The following DSC3 variants were observed in gnomAD, a reference collection of about 807,000 sequenced individuals.
DSC3 encodes the protein desmocollin 3.
Under a neutral mutation model 89.5 loss-of-function variants are expected in DSC3, and 97 were observed. That is an observed-to-expected ratio of 1.08 (90% CI 0.92 to 1.28). DSC3 has a LOEUF of 1.28. Among genes scored for constraint, DSC3 ranks in the 50% most tolerant of loss-of-function variants. The pLI, the probability that DSC3 is intolerant of heterozygous loss-of-function variation, is 0.00. For synonymous variants in DSC3, 436 were observed against 384.1 expected, an observed-to-expected ratio of 1.14 and a Z score of -1.58; for missense variants, 1,199 against 1,085.3, an observed-to-expected ratio of 1.10 and a Z score of -1.47.
At chr18:31,025,978 A>G in intron 4 of DSC3, 63 bp from the exon 5 acceptor site, 1 of 1,368,396 alleles carries the variant, frequency 7.3e-7, no homozygotes, top group African/African-American at 1.5e-5. Flanking sequence ...TATTTTTTAA[A>G]TGCAGCTGAT....
intron 12 of DSC3, among the ~76,000 whole-genome samples, chr18:31,006,620 C>T (rs1341609758): frequency 6.6e-6 from 1 of 152,110 alleles, no homozygotes; most frequent in East Asian, 1.9e-4. Context: ...TTTTTAAAAA[C>T]ATGCACACAC....
chr18:31,016,852 T>C (rs565760973), intron 9 of DSC3, among the ~76,000 whole-genome samples: 50 of 152,302 alleles, frequency 3.3e-4, no homozygotes, highest in African/African-American at 1.1e-3. Flanking sequence ...ACACCAAAGA[T>C]GACTAGCTCA....
At chr18:31,023,469 A>G (rs533098183) in intron 6 of DSC3, among the ~76,000 whole-genome samples, 5 of 152,192 alleles carry the variant, frequency 3.3e-5, no homozygotes, top group African/African-American at 1.2e-4. Flanking sequence ...AAAAAGAAAC[A>G]AAACTAGGTT....
chr18:31,004,706 T>C (rs1257521002), intron 12 of DSC3, among the ~76,000 whole-genome samples: 1 of 146,618 alleles, frequency 6.8e-6, no homozygotes, highest in Non-Finnish European at 1.5e-5. Flanking sequence ...TATCTACAGG[T>C]ACACACAAAT....
At chr18:31,012,184 T>C (rs554775512) in intron 9 of DSC3, among the ~76,000 whole-genome samples, 168 of 152,190 alleles carry the variant, frequency 1.1e-3, no homozygotes, top group African/African-American at 4.0e-3. Context: ...GTTAGCAGAC[T>C]ATGAATGACT....
chr18:31,027,464 TTTCCTTCCTTCCTTCC>T (rs60932501), intron 4 of DSC3, among the ~76,000 whole-genome samples: 1 of 147,556 alleles, frequency 6.8e-6, no homozygotes, highest in Admixed American at 6.8e-5. Flanking sequence ...GATGCATTGG[TTTCCTTCCTTCCTTCC>T]TTCCTTCCTT....
chr18:31,036,357 T>C (rs1173661518), intron 1 of DSC3, among the ~76,000 whole-genome samples: 1 of 152,220 alleles, frequency 6.6e-6, no homozygotes, highest in Non-Finnish European at 1.5e-5. Context: ...GTAAATCATC[T>C]ATTCTTCCTC....
intron 5 of DSC3, among the ~76,000 whole-genome samples, chr18:31,025,256 T>C (rs544388248): frequency 5.5e-4 from 83 of 152,286 alleles, no homozygotes; most frequent in Middle Eastern, 6.8e-3. Flanking sequence ...AGCTCATCTA[T>C]ATCAGAATAC....
rs141615987 is a variant in DSC3 at position 31,001,089 on chromosome 18, G to GTGTATATATATATATATATATATATATA, written c.2235+528_2235+529insTATATATATATATATATATATATATACA. ...GTGTTTATATATACTTTGTGTGTGT[G>GTGTATATATATATATATATATATATATA]TATATATATATATATATATATATAC... On this transcript the variant is annotated intron_variant, in intron 14 of 15. Transcript: ENST00000360428. Among the ~76,000 whole-genome samples, 60 of 125,992 alleles carry GTGTATATATATATATATATATATATATA rather than the reference G, an allele frequency of 4.8e-4. 1 individual carries two copies. Among genetic ancestry groups the GTGTATATATATATATATATATATATATA allele is most frequent in the East Asian group, 2.4e-3 (8 of 3,316 alleles). The allele number at this position is 125,992 out of a possible 152,430, so 82.7% of individuals were successfully genotyped here.
At chr18:31,014,370 A>T (rs939763975) in intron 9 of DSC3, among the ~76,000 whole-genome samples, 2 of 152,146 alleles carry the variant, frequency 1.3e-5, no homozygotes, top group African/African-American at 2.4e-5. Flanking sequence ...TGAATAATAC[A>T]CAGGAAACAG....
intron 14 of DSC3, 40 bp downstream of exon 14, chr18:31,001,578 A>C (rs201802811): frequency 6.3e-7 from 1 of 1,599,848 alleles, no homozygotes; most frequent in East Asian, 2.2e-5. Flanking sequence ...GAATTAAATT[A>C]TCGGAGATAC....
Position 31,032,267 on chromosome 18 carries a change from G to A in DSC3, c.79C>T (p.Arg27Cys), listed in dbSNP as rs114988341. Residue 27 changes from arginine (R) to cysteine (C), a missense_variant, in exon 2 of 16, where the codon CGT becomes TGT. Physicochemically the swap from Arg to Cys is radical, Grantham distance 180 (BLOSUM62 -3). Transcript: ENST00000360428. ...ACCTTTTTGCAGGCTTCACCAGCAC[G>A]ACTGAAGATCTAGAATTTAAAAGGT... is the stretch of plus-strand genomic sequence containing the variant. The part of the protein sequence containing the change: ...HLLLTLVIFS[R>C]AGEACKKVIL... 9 of 1,610,806 alleles carry A rather than the reference G, an allele frequency of 5.6e-6. No individual in the cohort carries two copies. Among genetic ancestry groups the A allele is most frequent in the Admixed American group, 3.3e-5 (2 of 60,006 alleles).
intron 7 of DSC3, 134 bp downstream of exon 7, chr18:31,022,202 A>G: frequency 1.8e-6 from 2 of 1,097,944 alleles, no homozygotes; most frequent in South Asian, 1.6e-5. Flanking sequence ...AACAGAAAAA[A>G]TTGTTAGGAA....
intron 15 of DSC3, among the ~76,000 whole-genome samples, chr18:30,995,148 A>C (rs1357208376): frequency 6.6e-6 from 1 of 152,150 alleles, no homozygotes; most frequent in Admixed American, 6.5e-5. Flanking sequence ...CCAACTCGTC[A>C]ACTGCCATGT....
In DSC3 at chr18:30,992,146, T is replaced by C. The variant is rs555943793; in HGVS notation, c.*2029A>G. The C allele has an allele frequency of 3.7e-5, 4 of 106,926 alleles. No homozygotes were observed. The highest frequency in any genetic ancestry group is 5.1e-5 in the Non-Finnish European group (3 of 58,260). 6.6% of individuals were successfully genotyped at this position (106,926 alleles called of 1,614,324 possible). A position where few individuals can be genotyped will look rare whatever the true frequency, so the allele number is the denominator to read the frequency against. Reference sequence around the variant, plus strand: ...GAGCCACTGCACTCCAGCCTGTGCGTCAGAGCGAGACTCCGTCTCAAAAAA... The same window carrying C: ...GAGCCACTGCACTCCAGCCTGTGCGCCAGAGCGAGACTCCGTCTCAAAAAA... On this transcript the variant is annotated 3_prime_UTR_variant, in exon 16 of 16. Coordinates refer to ENST00000360428, the MANE Select transcript of DSC3 (RefSeq NM_001941.5).
intron 9 of DSC3, among the ~76,000 whole-genome samples, chr18:31,015,778 C>A (rs1466533400): frequency 1.3e-5 from 2 of 152,146 alleles, no homozygotes; most frequent in African/African-American, 2.4e-5. Context: ...GTCTGCCCTT[C>A]CCAAATCTTA....
Position 30,992,183 on chromosome 18 carries a change from G to C in DSC3, c.*1992C>G, listed in dbSNP as rs1205248699. Reference sequence around the variant, plus strand: ...TCCGTCTCAAAAAAAAAAGGGGGGGGGGGGGGCAATAAAAAGTCTAAGTCT... The same window carrying C: ...TCCGTCTCAAAAAAAAAAGGGGGGGCGGGGGGCAATAAAAAGTCTAAGTCT... On this transcript the variant is annotated 3_prime_UTR_variant, in exon 16 of 16. Coordinates refer to ENST00000360428, the MANE Select transcript of DSC3 (RefSeq NM_001941.5). 1 of 138,654 alleles carries C rather than the reference G, an allele frequency of 7.2e-6. No individual in the cohort carries two copies. Among genetic ancestry groups the C allele is most frequent in the Non-Finnish European group, 1.6e-5 (1 of 63,546 alleles). 8.6% of individuals were successfully genotyped at this position (138,654 alleles called of 1,614,324 possible).
intron 14 of DSC3, among the ~76,000 whole-genome samples, chr18:30,998,512 G>A (rs137865259): frequency 6.6e-6 from 1 of 152,276 alleles, no homozygotes; most frequent in East Asian, 1.9e-4. Context: ...GATTTGAGCT[G>A]GAGATATAAT....
In DSC3 at chr18:30,996,879, T is replaced by A. The variant is rs770638464; in HGVS notation, c.2405A>T (p.Asp802Val). Reference protein sequence around the residue: ...CRGAGHHHTLDSCRGGHTEVD... With the variant: ...CRGAGHHHTLVSCRGGHTEVD... ...CTCCGTGTGTCCTCCCCTGCAGGAG[T>A]CCAGGGTATGATGATGCCCAGCCCC... Residue 802 changes from aspartate (D) to valine (V), a missense_variant, in exon 15 of 16, where the codon GAC becomes GTC. By Grantham distance (152) the Asp-to-Val change is radical. Transcript: ENST00000360428. The A allele has an allele frequency of 1.2e-5, 20 of 1,612,972 alleles. No homozygotes were observed. The African/African-American group carries it at 2.1e-4, about 17-fold the overall frequency.
Sources: allele counts gnomAD v4.1 joint callset (sites outside exome capture counted in the v4.1 genomes callset), GRCh38; gene constraint gnomAD v4.1.1; transcripts MANE v1.5; gene names NCBI Gene and HGNC (gene_info 2026-07-23, HGNC 2026-07-21).